Variants in MORN1 observed in about 807,000 individuals in gnomAD.
MORN1 encodes the protein MORN repeat-containing protein 1.
A neutral mutation model predicts 61.9 loss-of-function variants in MORN1; 67 were observed. That is an observed-to-expected ratio of 1.08 (90% CI 0.89 to 1.33). The LOEUF (loss-of-function observed/expected upper bound fraction) is 1.33. MORN1 is among the 40% of genes most tolerant of loss of function. The probability of loss-of-function intolerance (pLI) is 0.00; values close to 1 mark genes in which losing one functional copy is unlikely to be tolerated. For missense variants in MORN1, 752 were observed against 691.2 expected (o/e 1.09, Z -0.99); for synonymous variants, 301 against 292.0 (o/e 1.03, Z -0.31).
At chr1:2,375,125 G>A (rs1263046564) in intron 6 of MORN1, 2 of 152,246 alleles carry the variant, frequency 1.3e-5, no homozygotes, top group African/African-American at 2.4e-5. Flanking sequence ...ATACAACAAA[G>A]CCTGGGAAAA....
rs865802040 is a variant in MORN1 at position 2,355,172 on chromosome 1, G to A, written c.1036+2260C>T. 1.0e-4 allele frequency: 122 copies of A among 1,183,544 alleles called. No individual in the cohort carries two copies. In the Middle Eastern group the frequency reaches 1.8e-3, roughly 17 times the overall value. 73.3% of individuals were successfully genotyped at this position (1,183,544 alleles called of 1,614,324 possible). A position where few individuals can be genotyped will look rare whatever the true frequency, so the allele number is the denominator to read the frequency against. ...AAAATCTCTCCAAGTAGAAGGCATG[G>A]CGCCCAGTAAGTATTTTTATGCAGA... On this transcript the variant is annotated intron_variant, in intron 10 of 13. Coordinates refer to ENST00000378531, the MANE Select transcript of MORN1 (RefSeq NM_024848.3).
chr1:2,329,706 G>A (rs1036089283), intron 12 of MORN1, among the ~76,000 whole-genome samples: 3 of 152,216 alleles, frequency 2.0e-5, no homozygotes, highest in African/African-American at 7.2e-5. Flanking sequence ...GTGGGCAGGT[G>A]AGCCGAGCAG....
chr1:2,375,991 C>G (rs1283326506), intron 6 of MORN1: 2 of 152,264 alleles, frequency 1.3e-5, no homozygotes, highest in Admixed American at 1.3e-4. Context: ...TGGATGGGGG[C>G]CCCAGAGCTG....
At chr1:2,363,647 C>T (rs1251710433) in intron 8 of MORN1, 1 of 151,486 alleles carries the variant, frequency 6.6e-6, no homozygotes, top group African/African-American at 2.4e-5. Context: ...CACCTATAGT[C>T]CCAGCTACTC....
chr1:2,335,974 C>T (rs769086621), intron 12 of MORN1, among the ~76,000 whole-genome samples: 17 of 152,336 alleles, frequency 1.1e-4, no homozygotes, highest in East Asian at 3.9e-4. Flanking sequence ...GTGCTGTGCC[C>T]GTAGCACTGC....
At chr1:2,325,770 T>C (rs116797650) in intron 12 of MORN1, among the ~76,000 whole-genome samples, 1 of 150,894 alleles carries the variant, frequency 6.6e-6, no homozygotes, top group Non-Finnish European at 1.5e-5. Context: ...TACAGGCACG[T>C]GCCATCATGC....
chr1:2,374,785 A>C, intron 6 of MORN1: 1 of 514,472 alleles, frequency 1.9e-6, no homozygotes, highest in Non-Finnish European at 3.5e-6. Flanking sequence ...TGGAATTTTA[A>C]CGATGCCAGG....
intron 12 of MORN1, among the ~76,000 whole-genome samples, chr1:2,331,675 T>G (rs374802174): frequency 2.9e-4 from 44 of 152,284 alleles, no homozygotes; most frequent in African/African-American, 1.0e-3. Context: ...TTGGCTCCTC[T>G]TTCCTCTGCC....
chr1:2,371,851 AG>A (rs1230595281), intron 8 of MORN1: 2 of 177,510 alleles, frequency 1.1e-5, no homozygotes, highest in Non-Finnish European at 1.2e-5. Flanking sequence ...GAGGTTGCGG[AG>A]AGCCGACATT....
intron 12 of MORN1, among the ~76,000 whole-genome samples, chr1:2,325,797 T>A (rs919134232): frequency 4.0e-5 from 6 of 150,336 alleles, no homozygotes; most frequent in African/African-American, 7.4e-5. Flanking sequence ...ACTTTTTAAA[T>A]TTTTTTGTGT....
rs995617317 is a variant in MORN1 at position 2,336,032 on chromosome 1, C to A, written c.1250+437G>T. Among the ~76,000 whole-genome samples the A allele has an allele frequency of 7.9e-5, 12 of 152,260 alleles. No homozygotes were observed. The East Asian group carries it at 1.7e-3, about 22-fold the overall frequency. On this transcript the variant is annotated intron_variant, in intron 12 of 13. Transcript: ENST00000378531. ...GACGGCCACAAACCCCCCACGGTGTCCCCGCCTGCACGTGCCGCGGTGTGC... is the reference window on the plus strand; with the variant it reads ...GACGGCCACAAACCCCCCACGGTGTACCCGCCTGCACGTGCCGCGGTGTGC...
rs1298294516 is a variant in MORN1, at chr1:2,387,274, GAA to G, written c.358+143_358+144del. ...ATAGGACATGGCCTGGTGGTGCGGA[GAA>G]GAGGGCATGGGCCCCCTACCTCCTT... is the stretch of plus-strand genomic sequence containing the variant. On this transcript the variant is annotated intron_variant, in intron 4 of 13. Transcript: ENST00000378531. The G allele has an allele frequency of 3.5e-5, 24 of 690,922 alleles. No homozygotes were observed. The Admixed American group carries it at 4.7e-4, about 14-fold the overall frequency. 42.8% of individuals were successfully genotyped at this position (690,922 alleles called of 1,614,324 possible). A position where few individuals can be genotyped will look rare whatever the true frequency, so the allele number is the denominator to read the frequency against.
At chr1:2,354,006 C>T (rs145164672) in intron 10 of MORN1, among the ~76,000 whole-genome samples, 7 of 152,190 alleles carry the variant, frequency 4.6e-5, no homozygotes, top group Non-Finnish European at 4.4e-5. Flanking sequence ...CTAAAGAGGC[C>T]GGGCATGGTG....
chr1:2,324,046 C>T, intron 13 of MORN1, 51 bp downstream of exon 13: 1 of 1,558,558 alleles, frequency 6.4e-7, no homozygotes, highest in Non-Finnish European at 8.7e-7. Flanking sequence ...GCGGCCTCGC[C>T]TCTCCAGACA....
At chr1:2,325,248 C>T (rs897940111) in intron 12 of MORN1, among the ~76,000 whole-genome samples, 3 of 113,302 alleles carry the variant, frequency 2.6e-5, no homozygotes, top group Non-Finnish European at 3.6e-5. Context: ...CTTCCTCTCT[C>T]TCTCTCCTCT....
intron 12 of MORN1, among the ~76,000 whole-genome samples, chr1:2,333,493 C>T (rs1641202523): frequency 6.6e-6 from 1 of 152,206 alleles, no homozygotes; most frequent in South Asian, 2.1e-4. Context: ...GCCATGGCTC[C>T]TGCAGAACAA....
chr1:2,391,218 C>G, intron 1 of MORN1, among the ~76,000 whole-genome samples: 1 of 152,002 alleles, frequency 6.6e-6, no homozygotes, highest in East Asian at 1.9e-4. Flanking sequence ...CCGCGGGGGG[C>G]GACCCCCTGC....
chr1:2,372,523 C>T lies in MORN1; in HGVS notation c.703G>A (p.Val235Met). The T allele has an allele frequency of 1.2e-6, 2 of 1,614,030 alleles. No homozygotes were observed. The highest frequency in any genetic ancestry group is 2.2e-5 in the South Asian group (2 of 91,042). Residue 235 changes from valine to methionine, a missense_variant, in exon 8 of 14, where the codon GTG becomes ATG. Transcript: ENST00000378531. This position sits in a 1 kb window ranked among gnomAD's most constrained non-coding sequence, Gnocchi z 5.4. Reference protein sequence around the residue: ...MEVAQGSPFSVNVQLLQDHGE... With the variant: ...MEVAQGSPFSMNVQLLQDHGE... ...TGGTCCTGCAGCAGCTGAACGTTCACCGAGAAGGGAGACCCTTGGGCCACT... is the reference window on the plus strand; with the variant it reads ...TGGTCCTGCAGCAGCTGAACGTTCATCGAGAAGGGAGACCCTTGGGCCACT...
chr1:2,337,349 C>T lies in MORN1; in HGVS notation c.1037-499G>A, dbSNP rs1427590132. On this transcript the variant is annotated intron_variant, in intron 10 of 13. Coordinates refer to ENST00000378531, the MANE Select transcript of MORN1 (RefSeq NM_024848.3). The surrounding 1 kb of genome is among the most constrained non-coding windows in gnomAD (Gnocchi z 5.7). ...TTCTCCACAGGCGTGGAGGGAGACA[C>T]CGAGGGTGGCTGCGAGTCCCTCCAC... 6.6e-6 allele frequency among the ~76,000 whole-genome samples: 1 copy of T among 152,164 alleles called. No homozygotes were observed. Among genetic ancestry groups the T allele is most frequent in the African/African-American group, 2.4e-5 (1 of 41,434 alleles).
Sources: gnomAD v4.1 joint callset for allele counts (sites outside exome capture counted in the v4.1 genomes callset) on GRCh38, gnomAD v4.1.1 for gene constraint, Gnocchi (gnomAD v3.1) non-coding constraint, MANE v1.5 for transcripts, NCBI Gene and HGNC (gene_info 2026-07-23, HGNC 2026-07-21) for gene names.